The following PGCKA1 variants were observed in gnomAD, a reference collection of about 807,000 sequenced individuals.
The protein encoded by PGCKA1 is PDCD10 and GCKIII kinases associated 1, also known as PDCD10 and GCKIII kinases-associated protein 1.
At chr4:37,465,446 A>C in the PGCKA1 span, among the ~76,000 whole-genome samples, 1 of 152,170 alleles carries the variant, frequency 6.6e-6, no homozygotes. Flanking sequence ...TGGGATCCAC[A>C]GGATGAGTGG....
chr4:37,588,992 C>A, the PGCKA1 span: 2 of 931,060 alleles, frequency 2.1e-6, no homozygotes, highest in Admixed American at 1.8e-5. Context: ...GTGCATTTAT[C>A]CAGCTTGGGG....
At chr4:37,538,808 A>C in the PGCKA1 span, among the ~76,000 whole-genome samples, 3 of 152,226 alleles carry the variant, frequency 2.0e-5, no homozygotes, top group African/African-American at 7.2e-5. Context: ...AAAAGAATGG[A>C]AAGATAAAAT....
the PGCKA1 span, among the ~76,000 whole-genome samples, chr4:37,516,698 T>G: frequency 1.3e-5 from 2 of 152,216 alleles, no homozygotes; most frequent in African/African-American, 4.8e-5. Context: ...CACGCTGCAG[T>G]AAAATGAACA....
At chr4:37,512,270 GA>G in the PGCKA1 span, among the ~76,000 whole-genome samples, 1 of 149,782 alleles carries the variant, frequency 6.7e-6, no homozygotes, top group Admixed American at 6.6e-5. Flanking sequence ...TCCTGTAGGG[GA>G]TGACCAGGGG....
At chr4:37,524,934 G>GA in the PGCKA1 span, among the ~76,000 whole-genome samples, 436 of 152,204 alleles carry the variant, frequency 2.9e-3, 3 homozygotes, top group African/African-American at 9.8e-3. Flanking sequence ...GAAGGGAAGG[G>GA]AAAAACCAAA....
At chr4:37,473,213 T>C in the PGCKA1 span, among the ~76,000 whole-genome samples, 1,045 of 152,258 alleles carry the variant, frequency 6.9e-3, 16 homozygotes, top group African/African-American at 0.023. Context: ...GTTCTAACCA[T>C]GGGAAAACTT....
the PGCKA1 span, among the ~76,000 whole-genome samples, chr4:37,480,521 T>G: frequency 6.6e-6 from 1 of 152,076 alleles, no homozygotes; most frequent in Non-Finnish European, 1.5e-5. Flanking sequence ...CAAAAAAAAC[T>G]GAGAGGGGCT....
the PGCKA1 span, among the ~76,000 whole-genome samples, chr4:37,503,503 A>G: frequency 6.6e-6 from 1 of 152,158 alleles, no homozygotes; most frequent in African/African-American, 2.4e-5. Context: ...GGAGCAACAC[A>G]CACCACCTAT....
the PGCKA1 span, among the ~76,000 whole-genome samples, chr4:37,490,912 C>T: frequency 3.3e-5 from 5 of 152,124 alleles, no homozygotes; most frequent in Non-Finnish European, 7.4e-5. Flanking sequence ...TAGTACAATT[C>T]TATTTATCAA....
At chr4:37,538,895 G>A in the PGCKA1 span, among the ~76,000 whole-genome samples, 3 of 152,216 alleles carry the variant, frequency 2.0e-5, no homozygotes, top group Admixed American at 6.5e-5. Flanking sequence ...GCTGCAAGGA[G>A]GGTGATATTA....
chr4:37,517,324 G>T, the PGCKA1 span, among the ~76,000 whole-genome samples: 2 of 148,892 alleles, frequency 1.3e-5, no homozygotes, highest in Admixed American at 6.7e-5. Flanking sequence ...TATATAGAGA[G>T]AGAGAGCACC....
At chr4:37,482,624 T>G in the PGCKA1 span, among the ~76,000 whole-genome samples, 967 of 152,190 alleles carry the variant, frequency 6.4e-3, 12 homozygotes, top group African/African-American at 0.022. Flanking sequence ...CTGCAGAAAT[T>G]TGCATAAATA....
chr4:37,533,806 C>A, the PGCKA1 span, among the ~76,000 whole-genome samples: 1 of 152,292 alleles, frequency 6.6e-6, no homozygotes, highest in Non-Finnish European at 1.5e-5. Context: ...TCTATGTTCG[C>A]AAAGTCTTTG....
chr4:37,473,438 G>A, the PGCKA1 span, among the ~76,000 whole-genome samples: 4 of 152,102 alleles, frequency 2.6e-5, no homozygotes, highest in African/African-American at 9.7e-5. Context: ...TAATTTTGCT[G>A]TATTTAATGC....
At chr4:37,591,888 C>T in the PGCKA1 span, 1 of 152,102 alleles carries the variant, frequency 6.6e-6, no homozygotes, top group Non-Finnish European at 1.5e-5. Context: ...ATATCAGTGA[C>T]CCTGGATGTT....
At chr4:37,480,405 A>C in the PGCKA1 span, among the ~76,000 whole-genome samples, 1 of 152,232 alleles carries the variant, frequency 6.6e-6, no homozygotes, top group African/African-American at 2.4e-5. Context: ...AAGCAGGAGA[A>C]TTGCTTGAAC....
the PGCKA1 span, among the ~76,000 whole-genome samples, chr4:37,535,787 T>C: frequency 6.6e-6 from 1 of 152,202 alleles, no homozygotes; most frequent in Non-Finnish European, 1.5e-5. Context: ...TGTTGCTGGG[T>C]CCACAGTTCA....
the PGCKA1 span, among the ~76,000 whole-genome samples, chr4:37,481,121 TCAAAATATA>T: frequency 1.1e-4 from 17 of 152,210 alleles, no homozygotes; most frequent in African/African-American, 3.6e-4. Flanking sequence ...ACTAACTTCC[TCAAAATATA>T]CATGAGACAA....
the PGCKA1 span, among the ~76,000 whole-genome samples, chr4:37,507,362 C>G: frequency 5.3e-5 from 8 of 151,972 alleles, no homozygotes; most frequent in African/African-American, 1.9e-4. Context: ...TTCTTCTTTT[C>G]TTCCTTCCTG....
Sources: allele counts gnomAD v4.1 joint callset (sites outside exome capture counted in the v4.1 genomes callset), GRCh38; gene constraint gnomAD v4.1.1; transcripts MANE v1.5; gene names NCBI Gene and HGNC (gene_info 2026-07-23, HGNC 2026-07-21).